Variants in CAPN9 observed in about 807,000 individuals in gnomAD.
The protein encoded by CAPN9 is calpain 9, also known as calpain-9.
CAPN9 carries 81 observed loss-of-function variants against 92.8 expected under a neutral mutation model. That is an observed-to-expected ratio of 0.87 (90% CI 0.73 to 1.05). The LOEUF (loss-of-function observed/expected upper bound fraction) is 1.05. Ranked by LOEUF, CAPN9 falls within the 50% of genes least tolerant of loss-of-function variation. The probability of loss-of-function intolerance (pLI) is 0.00; values close to 1 mark genes in which losing one functional copy is unlikely to be tolerated. For missense variants in CAPN9, 848 were observed against 866.2 expected, an observed-to-expected ratio of 0.98 and a Z score of 0.26; for synonymous variants, 304 against 328.0, an observed-to-expected ratio of 0.93 and a Z score of 0.79.
At chr1:230,787,471 T>G (rs757623295) in intron 12 of CAPN9, 51 bp from the exon 13 acceptor site, 10 of 1,506,176 alleles carry the variant, frequency 6.6e-6, no homozygotes, top group Non-Finnish European at 9.2e-6. Context: ...ATTTTTGTCA[T>G]GTTTCTTTTT....
chr1:230,801,560 C>T lies in CAPN9; in HGVS notation c.2047-10C>T, dbSNP rs190745152. ...ACAACGACCCCTCATCTCTCTCTCT[C>T]TCTTCCCAGTTCATCCATTTGACAA... On this transcript the variant is annotated splice_polypyrimidine_tract_variant and intron_variant, in intron 19 of 19. Coordinates refer to ENST00000271971, the MANE Select transcript of CAPN9 (RefSeq NM_006615.3). The T allele has an allele frequency of 2.3e-3, 3,633 of 1,613,842 alleles. 4 individuals carry two copies. Among genetic ancestry groups the T allele is most frequent in the Non-Finnish European group, 2.6e-3 (3,046 of 1,179,732 alleles).
At chr1:230,778,342 A>G (rs1366700743) in intron 8 of CAPN9, among the ~76,000 whole-genome samples, 1 of 152,138 alleles carries the variant, frequency 6.6e-6, no homozygotes, top group Non-Finnish European at 1.5e-5. Context: ...CTAACTTCCT[A>G]GCTGCCTCTC....
In CAPN9 at chr1:230,762,706, C is replaced by A. The variant is rs991752449; in HGVS notation, c.456C>A (p.Thr152=). 25 of 1,614,100 alleles carry A rather than the reference C, an allele frequency of 1.5e-5. No individual in the cohort carries two copies. The highest frequency in any genetic ancestry group is 2.1e-5 in the Non-Finnish European group (25 of 1,180,042). The part of the protein sequence containing the change: ...LDVVIDDRLP[T]FRDRLVFLHS... ...TGGTGATCGATGACCGCCTGCCCACCTTCAGGGACCGCTTGGTTTTCCTCC... is the reference window on the plus strand; with the variant it reads ...TGGTGATCGATGACCGCCTGCCCACATTCAGGGACCGCTTGGTTTTCCTCC... Residue 152 remains threonine, a synonymous_variant, in exon 4 of 20, where the codon ACC becomes ACA. Transcript: ENST00000271971.
rs1477877497 is a variant in CAPN9 at position 230,801,674 on chromosome 1, G to A, written c.*78G>A. Reference sequence around the variant, plus strand: ...TGACCTTCAGAACTTCTCTTGGTGTGGAACCATTACGCCCAGGGTTCACTC... The same window carrying A: ...TGACCTTCAGAACTTCTCTTGGTGTAGAACCATTACGCCCAGGGTTCACTC... On this transcript the variant is annotated 3_prime_UTR_variant, in exon 20 of 20. Coordinates refer to ENST00000271971, the MANE Select transcript of CAPN9 (RefSeq NM_006615.3). 4 of 1,327,322 alleles carry A rather than the reference G, an allele frequency of 3.0e-6. No homozygotes were observed. In the Admixed American group the frequency reaches 5.0e-5, roughly 17 times the overall value. The allele number at this position is 1,327,322 out of a possible 1,614,324, so 82.2% of individuals were successfully genotyped here.
At chr1:230,767,138 T>G (rs1666036958) in intron 4 of CAPN9, among the ~76,000 whole-genome samples, 1 of 152,058 alleles carries the variant, frequency 6.6e-6, no homozygotes, top group Non-Finnish European at 1.5e-5. Context: ...CATGGGAGGT[T>G]AGAGAGTGAG....
At chr1:230,787,893 T>C (rs1667718058) in intron 13 of CAPN9, among the ~76,000 whole-genome samples, 1 of 152,192 alleles carries the variant, frequency 6.6e-6, no homozygotes, top group Non-Finnish European at 1.5e-5. Flanking sequence ...TCTCACTCTT[T>C]TACCCTGGCT....
At chr1:230,789,473 CAA>C (rs57738295) in intron 13 of CAPN9, among the ~76,000 whole-genome samples, 202 of 66,236 alleles carry the variant, frequency 3.0e-3, no homozygotes, top group East Asian at 0.02. Flanking sequence ...GACCCTGTAT[CAA>C]AAAAAAAAAA....
At chr1:230,757,726 A>AC (rs1665337976) in intron 2 of CAPN9, among the ~76,000 whole-genome samples, 1 of 151,366 alleles carries the variant, frequency 6.6e-6, no homozygotes, top group East Asian at 1.9e-4. Flanking sequence ...TATCAAAAAA[A>AC]AAAAAAAAAC....
chr1:230,747,618 C>T lies in CAPN9; in HGVS notation c.122C>T (p.Thr41Ile). Residue 41 changes from threonine to isoleucine, a missense_variant, in exon 1 of 20, where the codon ACC (threonine) becomes ATC (isoleucine). Thr to Ile is a moderately conservative substitution (Grantham distance 89, BLOSUM62 -1). Coordinates refer to ENST00000271971, the MANE Select transcript of CAPN9 (RefSeq NM_006615.3). The part of the protein sequence containing the change: ...QMRQECLQRG[T>I]LFEDADFPAS... Reference sequence around the variant, plus strand: ...AGGCAGGAGTGCCTGCAGAGAGGCACCCTGTTTGAGGATGCAGACTTCCCA... The same window carrying T: ...AGGCAGGAGTGCCTGCAGAGAGGCATCCTGTTTGAGGATGCAGACTTCCCA... The T allele has an allele frequency of 6.2e-7, 1 of 1,614,010 alleles. No individual in the cohort carries two copies. Among genetic ancestry groups the T allele is most frequent in the Non-Finnish European group, 8.5e-7 (1 of 1,179,926 alleles).
chr1:230,751,627 GAAAGAAAGAAAGAA>G (rs1664817583), intron 1 of CAPN9, among the ~76,000 whole-genome samples: 1 of 77,562 alleles, frequency 1.3e-5, no homozygotes, highest in Non-Finnish European at 2.5e-5. Context: ...AAGAAAGAAA[GAAAGAAAGAAAGAA>G]AGAAAGAAAG....
chr1:230,785,727 T>C (rs1022707109), intron 11 of CAPN9, among the ~76,000 whole-genome samples: 2 of 152,208 alleles, frequency 1.3e-5, no homozygotes, highest in Admixed American at 1.3e-4. Flanking sequence ...TAGTCTCTGT[T>C]ATTTCTCTAT....
At chr1:230,800,114 C>T (rs1668579561) in intron 19 of CAPN9, among the ~76,000 whole-genome samples, 1 of 151,218 alleles carries the variant, frequency 6.6e-6, no homozygotes, top group African/African-American at 2.4e-5. Flanking sequence ...GGAGGTGGAG[C>T]TTACAGTGAG....
intron 2 of CAPN9, among the ~76,000 whole-genome samples, chr1:230,758,801 A>G (rs1333866578): frequency 6.6e-6 from 1 of 152,196 alleles, no homozygotes; most frequent in African/African-American, 2.4e-5. Flanking sequence ...ATATCTGCTT[A>G]CACAGGCGGC....
chr1:230,801,882 A>C lies in CAPN9; in HGVS notation c.*286A>C. On this transcript the variant is annotated 3_prime_UTR_variant, in exon 20 of 20. Coordinates refer to ENST00000271971, the MANE Select transcript of CAPN9 (RefSeq NM_006615.3). ...AGCTTTCCCACACTCTACTTTCCTTATTTCCTTCCATTAAGAATTACTCAG... is the reference window on the plus strand; with the variant it reads ...AGCTTTCCCACACTCTACTTTCCTTCTTTCCTTCCATTAAGAATTACTCAG... 1 of 468,524 alleles carries C rather than the reference A, an allele frequency of 2.1e-6. No individual in the cohort carries two copies. Among genetic ancestry groups the C allele is most frequent in the Non-Finnish European group, 3.8e-6 (1 of 261,690 alleles). 29.0% of individuals were successfully genotyped at this position (468,524 alleles called of 1,614,324 possible).
At chr1:230,798,372 A>T (rs1668479725) in intron 19 of CAPN9, 152 bp downstream of exon 19, 2 of 613,752 alleles carry the variant, frequency 3.3e-6, no homozygotes, top group African/African-American at 1.9e-5. Flanking sequence ...TTTTTGAGAT[A>T]CTATTTATCA....
chr1:230,755,188 T>C, intron 1 of CAPN9, 149 bp from the exon 2 acceptor site: 1 of 637,546 alleles, frequency 1.6e-6, no homozygotes, highest in Non-Finnish European at 2.7e-6. Flanking sequence ...GGTGGCAGCC[T>C]TTTACATCCA....
intron 14 of CAPN9, 167 bp downstream of exon 14, chr1:230,790,356 C>A (rs928621327): frequency 1.0e-6 from 1 of 973,900 alleles, no homozygotes; most frequent in Non-Finnish European, 1.2e-6. Flanking sequence ...ATTCCAAAAA[C>A]GATGCAGGTT....
chr1:230,759,321 C>T (rs1665467740), intron 2 of CAPN9, among the ~76,000 whole-genome samples, 191 bp from the exon 3 acceptor site: 1 of 152,144 alleles, frequency 6.6e-6, no homozygotes, highest in African/African-American at 2.4e-5. Context: ...TTATGATAGA[C>T]GGGCAGAGAA....
At position 230,780,573 on chromosome 1, in the gene CAPN9, T is replaced by A; in HGVS notation, c.1346T>A (p.Phe449Tyr). The change falls in exon 11 of 20, where the codon TTC becomes TAC. Residue 449 changes from phenylalanine (F) to tyrosine (Y), a missense_variant. Transcript: ENST00000271971. ...GCTTCTCGGGCCAGAAGCAAGACGT[T>A]CATCAACCTGAGAGAAGTCTCCGAC... ...YHASRARSKT[F>Y]INLREVSDRF... 1 of 1,614,162 alleles carries A rather than the reference T, an allele frequency of 6.2e-7. No individual in the cohort carries two copies. The highest frequency in any genetic ancestry group is 8.5e-7 in the Non-Finnish European group (1 of 1,180,022).
Sources: allele counts gnomAD v4.1 joint callset (sites outside exome capture counted in the v4.1 genomes callset), GRCh38; gene constraint gnomAD v4.1.1; transcripts MANE v1.5; gene names NCBI Gene and HGNC (gene_info 2026-07-23, HGNC 2026-07-21).